The following POLN variants were observed in gnomAD, a reference collection of about 807,000 sequenced individuals.
The protein encoded by POLN is DNA polymerase N.
A neutral mutation model predicts 113.5 loss-of-function variants in POLN; 108 were observed. The ratio of observed to expected loss-of-function variants is 0.95; its 90% confidence interval spans 0.81 to 1.12. The LOEUF (loss-of-function observed/expected upper bound fraction) is 1.12. Ranked by LOEUF, POLN falls within the 50% of genes most tolerant of loss-of-function variation. The probability of loss-of-function intolerance (pLI) is 0.00; values close to 1 mark genes in which losing one functional copy is unlikely to be tolerated. For synonymous variants in POLN, 386 were observed against 391.5 expected, an observed-to-expected ratio of 0.99 and a Z score of 0.17; for missense variants, 1,097 against 1,077.1, an observed-to-expected ratio of 1.02 and a Z score of -0.26.
chr4:2,155,216 G>A (rs1026081441), intron 16 of POLN, among the ~76,000 whole-genome samples: 11 of 152,334 alleles, frequency 7.2e-5, no homozygotes, highest in South Asian at 2.1e-4. Context: ...CAAGGGTAAC[G>A]TGGCAGCAGT....
At chr4:2,131,768 T>C (rs1195967354) in intron 16 of POLN, among the ~76,000 whole-genome samples, 1 of 152,238 alleles carries the variant, frequency 6.6e-6, no homozygotes, top group Non-Finnish European at 1.5e-5. Flanking sequence ...CTAAACTTGG[T>C]GGCTTGTGCT....
intron 19 of POLN, among the ~76,000 whole-genome samples, chr4:2,115,834 G>A (rs957216123): frequency 3.9e-5 from 6 of 152,102 alleles, no homozygotes; most frequent in Admixed American, 2.6e-4. Flanking sequence ...GAAATGTTTT[G>A]TGAATGGGAT....
At chr4:2,129,878 G>C (rs985854366) in intron 17 of POLN, among the ~76,000 whole-genome samples, 2 of 152,144 alleles carry the variant, frequency 1.3e-5, no homozygotes, top group African/African-American at 4.8e-5. Flanking sequence ...GTCTATGTGG[G>C]AAGGGGCAGC....
intron 22 of POLN, 107 bp downstream of exon 22, chr4:2,081,526 G>T (rs1012347155): frequency 8.4e-6 from 9 of 1,075,600 alleles, no homozygotes; most frequent in Non-Finnish European, 1.3e-5. Flanking sequence ...GGTTTGTGAT[G>T]AGCAGGAAAT....
chr4:2,213,204 G>T, intron 3 of POLN, 78 bp from the exon 4 acceptor site: 1 of 798,580 alleles, frequency 1.3e-6, no homozygotes, highest in Non-Finnish European at 2.0e-6. Context: ...ACTAAACACT[G>T]AAATAACCTC....
chr4:2,222,045 T>C (rs1441999578), intron 3 of POLN, among the ~76,000 whole-genome samples: 1 of 152,228 alleles, frequency 6.6e-6, no homozygotes, highest in Non-Finnish European at 1.5e-5. Context: ...GGCTGTGTCA[T>C]AGGCATGTCC....
At chr4:2,226,379 G>C (rs907313787) in intron 3 of POLN, among the ~76,000 whole-genome samples, 4 of 152,164 alleles carry the variant, frequency 2.6e-5, no homozygotes, top group African/African-American at 9.7e-5. Context: ...CTGCCAAAAA[G>C]TTATCTGGAA....
At chr4:2,113,032 T>C (rs1159575535) in intron 19 of POLN, among the ~76,000 whole-genome samples, 1 of 151,916 alleles carries the variant, frequency 6.6e-6, no homozygotes, top group East Asian at 1.9e-4. Context: ...GTAGCACATA[T>C]ACACCATGGA....
At chr4:2,133,418 G>C (rs1236052617) in intron 16 of POLN, among the ~76,000 whole-genome samples, 2 of 152,186 alleles carry the variant, frequency 1.3e-5, no homozygotes, top group African/African-American at 4.8e-5. Context: ...ATCAGCCTAA[G>C]TGCCCATCAA....
chr4:2,240,145 C>A (rs768391357), intron 2 of POLN: 3 of 1,613,484 alleles, frequency 1.9e-6, no homozygotes, highest in Non-Finnish European at 2.5e-6. Flanking sequence ...CAAATGTATG[C>A]GAGCTGCAGT....
At chr4:2,155,357 G>A (rs1561047834) in intron 16 of POLN, among the ~76,000 whole-genome samples, 1 of 152,200 alleles carries the variant, frequency 6.6e-6, no homozygotes, top group Non-Finnish European at 1.5e-5. Flanking sequence ...TAAAGTGCAA[G>A]GCCAGAGACA....
At chr4:2,115,893 C>T in intron 19 of POLN, among the ~76,000 whole-genome samples, 1 of 152,174 alleles carries the variant, frequency 6.6e-6, no homozygotes, top group Admixed American at 6.5e-5. Flanking sequence ...TGCACAATTT[C>T]AGGATTTCTT....
chr4:2,192,357 T>C (rs765354022), intron 7 of POLN, among the ~76,000 whole-genome samples: 1 of 152,084 alleles, frequency 6.6e-6, no homozygotes, highest in Admixed American at 6.5e-5. Flanking sequence ...ATCTAGTTTT[T>C]TTATTTCTCC....
chr4:2,096,042 T>C lies in POLN; in HGVS notation c.1983-109A>G. Reference sequence around the variant, plus strand: ...CTGTGCTTCCTCTGGAAATTCCTTATGCTTTCATGGTGGCCGGCACACTGG... The same window carrying C: ...CTGTGCTTCCTCTGGAAATTCCTTACGCTTTCATGGTGGCCGGCACACTGG... On this transcript the variant is annotated intron_variant, in intron 19 of 25. Transcript: ENST00000511885. The C allele has an allele frequency of 3.2e-6, 3 of 938,482 alleles. No homozygotes were observed. In the Admixed American group the frequency reaches 5.6e-5, roughly 18 times the overall value. 58.1% of individuals were successfully genotyped at this position (938,482 alleles called of 1,614,324 possible).
At chr4:2,174,472 C>T (rs1383437643) in intron 10 of POLN, among the ~76,000 whole-genome samples, 2 of 152,160 alleles carry the variant, frequency 1.3e-5, no homozygotes, top group East Asian at 3.9e-4. Context: ...AGAAGGGATC[C>T]CATATGACCA....
intron 2 of POLN, chr4:2,231,706 T>C (rs1734584810): frequency 3.0e-6 from 1 of 329,702 alleles, no homozygotes; most frequent in Admixed American, 5.1e-5. Context: ...AAGTAAAAAA[T>C]TACCAGGACT....
At chr4:2,123,804 CA>C (rs1455000205) in intron 19 of POLN, among the ~76,000 whole-genome samples, 5 of 148,918 alleles carry the variant, frequency 3.4e-5, no homozygotes, top group African/African-American at 4.9e-5. Flanking sequence ...AACCTTGTCT[CA>C]AAAAAAAACC....
At position 2,126,859 on chromosome 4, in the gene POLN, T is replaced by C. The variant is rs1182074751; in HGVS notation, c.1982+1254A>G. ...GAAGAGGGAGCACCAGGAGAGTGGG[T>C]GGCAACCAGGCCAGAGAGCAGCCAG... On this transcript the variant is annotated intron_variant, in intron 19 of 25. Coordinates refer to ENST00000511885, the MANE Select transcript of POLN (RefSeq NM_181808.4). This position sits in a 1 kb window ranked among gnomAD's most constrained non-coding sequence, Gnocchi z 4.6. Among the ~76,000 whole-genome samples, 3 of 151,946 alleles carry C rather than the reference T, an allele frequency of 2.0e-5. No homozygotes were observed. The highest frequency in any genetic ancestry group is 7.3e-5 in the African/African-American group (3 of 41,358).
chr4:2,193,061 A>C, intron 7 of POLN, 143 bp downstream of exon 7: 53 of 578,440 alleles, frequency 9.2e-5, no homozygotes, highest in Non-Finnish European at 1.3e-4. Context: ...CCCCATGCCT[A>C]GGGCCCATCA....
Sources: allele counts gnomAD v4.1 joint callset (sites outside exome capture counted in the v4.1 genomes callset), GRCh38; gene constraint gnomAD v4.1.1; non-coding constraint Gnocchi (gnomAD v3.1); transcripts MANE v1.5; gene names NCBI Gene and HGNC (gene_info 2026-07-23, HGNC 2026-07-21).